MACROD2: variants seen among roughly 807,000 people sequenced by gnomAD.
The protein encoded by MACROD2 is ADP-ribose glycohydrolase MACROD2.
Under a neutral mutation model 70.4 loss-of-function variants are expected in MACROD2, and 36 were observed. That is an observed-to-expected ratio of 0.51 (90% CI 0.39 to 0.68). The LOEUF (loss-of-function observed/expected upper bound fraction) is 0.68, where lower values mean the gene tolerates loss of function less well. MACROD2 is among the 30% of genes least tolerant of loss of function. The pLI is 0.00. For synonymous variants in MACROD2, 172 were observed against 178.8 expected (o/e 0.96, Z 0.30); for missense variants, 496 against 538.4 (o/e 0.92, Z 0.78).
rs201640811 is a variant in MACROD2 at position 14,784,674 on chromosome 20, G to C, written c.418+99715G>C. Among the ~76,000 whole-genome samples, 356 of 142,994 alleles carry C rather than the reference G, an allele frequency of 2.5e-3. 11 individuals are homozygous for C. Among genetic ancestry groups the C allele is most frequent in the African/African-American group, 7.8e-3 (309 of 39,554 alleles). The allele number at this position is 142,994 out of a possible 152,430, so 93.8% of individuals were successfully genotyped here. On this transcript the variant is annotated intron_variant, in intron 5 of 17. Coordinates refer to ENST00000684519, the MANE Select transcript of MACROD2 (RefSeq NM_001351661.2). ...AAAAGGATGGTGTTTTAAGTGGGGG[G>C]GGGGGGGCACCAGATTCAGTTACCT...
At chr20:15,884,616 T>C (rs1160110225) in intron 9 of MACROD2, among the ~76,000 whole-genome samples, 1 of 151,898 alleles carries the variant, frequency 6.6e-6, no homozygotes, top group Non-Finnish European at 1.5e-5. Flanking sequence ...AGAGGAGCAG[T>C]TAGGAAACTG....
intron 5 of MACROD2, among the ~76,000 whole-genome samples, chr20:15,076,447 C>T (rs972380960): frequency 6.6e-6 from 1 of 152,052 alleles, no homozygotes; most frequent in East Asian, 1.9e-4. Flanking sequence ...AATCTCAATA[C>T]ATATTGTCAA....
intron 1 of MACROD2, among the ~76,000 whole-genome samples, chr20:13,997,468 A>G (rs918039031): frequency 2.6e-5 from 4 of 152,216 alleles, no homozygotes; most frequent in African/African-American, 9.6e-5. Context: ...TTTCAGTAAC[A>G]TGAATCATTG....
chr20:14,031,358 G>T (rs866833072), intron 2 of MACROD2, among the ~76,000 whole-genome samples: 1 of 152,022 alleles, frequency 6.6e-6, no homozygotes, highest in Non-Finnish European at 1.5e-5. Context: ...TTACTTTGAC[G>T]ATGAAAAATT....
intron 4 of MACROD2, among the ~76,000 whole-genome samples, chr20:14,609,657 G>A (rs1165330067): frequency 6.6e-6 from 1 of 152,078 alleles, no homozygotes. Context: ...AAATACTTAT[G>A]TGTATGAAGA....
intron 5 of MACROD2, among the ~76,000 whole-genome samples, chr20:14,944,224 G>A (rs766060005): frequency 2.0e-5 from 3 of 152,164 alleles, no homozygotes; most frequent in Non-Finnish European, 4.4e-5. Context: ...GCAGGAAGAA[G>A]AAAGGAAGGG....
At chr20:15,696,678 G>GTTTTTTTTTTTT (rs374403186) in intron 8 of MACROD2, among the ~76,000 whole-genome samples, 1 of 88,752 alleles carries the variant, frequency 1.1e-5, no homozygotes, top group Non-Finnish European at 2.3e-5. Flanking sequence ...TAGTCCTGGA[G>GTTTTTTTTTTTT]TTTTTTTTTT....
At chr20:15,409,190 G>A (rs931685642) in intron 6 of MACROD2, among the ~76,000 whole-genome samples, 5 of 152,064 alleles carry the variant, frequency 3.3e-5, no homozygotes, top group Non-Finnish European at 7.4e-5. Flanking sequence ...ACCAAATGAT[G>A]GGTGATACAT....
intron 5 of MACROD2, among the ~76,000 whole-genome samples, chr20:14,915,350 G>A (rs1362360009): frequency 1.3e-5 from 2 of 152,180 alleles, no homozygotes; most frequent in African/African-American, 2.4e-5. Flanking sequence ...TGTCAAAATG[G>A]AAACCCCAAG....
At chr20:14,899,620 C>CA (rs1205761471) in intron 5 of MACROD2, among the ~76,000 whole-genome samples, 8 of 152,152 alleles carry the variant, frequency 5.3e-5, no homozygotes, top group African/African-American at 1.9e-4. Context: ...CTAATGACCT[C>CA]TGTTAACTTG....
intron 5 of MACROD2, among the ~76,000 whole-genome samples, chr20:15,068,176 A>AT (rs374736186): frequency 1.6e-4 from 25 of 152,108 alleles, no homozygotes; most frequent in African/African-American, 5.5e-4. Flanking sequence ...AATATCATGC[A>AT]TTTTTTCATA....
chr20:14,668,977 T>G (rs2070766186), intron 4 of MACROD2, among the ~76,000 whole-genome samples: 1 of 152,188 alleles, frequency 6.6e-6, no homozygotes. Context: ...AACTTAGTCT[T>G]TATTAAGCCC....
At chr20:13,998,756 C>T (rs1391366943) in intron 1 of MACROD2, among the ~76,000 whole-genome samples, 5 of 151,876 alleles carry the variant, frequency 3.3e-5, no homozygotes, top group Non-Finnish European at 7.4e-5. Flanking sequence ...GAGATTGAGA[C>T]CATCCTGGGG....
At chr20:15,777,005 A>G (rs1401079655) in intron 8 of MACROD2, among the ~76,000 whole-genome samples, 1 of 152,166 alleles carries the variant, frequency 6.6e-6, no homozygotes, top group Non-Finnish European at 1.5e-5. Flanking sequence ...CCTATTGTCC[A>G]TTAATTATGA....
intron 15 of MACROD2, among the ~76,000 whole-genome samples, chr20:16,033,889 CAGAG>C (rs1325805816): frequency 7.9e-5 from 12 of 151,624 alleles, no homozygotes; most frequent in African/African-American, 1.4e-4. Context: ...GGGAGAGACA[CAGAG>C]AGAGAAAAAA....
intron 6 of MACROD2, among the ~76,000 whole-genome samples, chr20:15,233,983 TTA>T (rs1312226727): frequency 0.033 from 1,458 of 43,928 alleles, 74 homozygotes; most frequent in African/African-American, 0.094. Flanking sequence ...ATATATTTAT[TTA>T]TATATATATA....
intron 8 of MACROD2, among the ~76,000 whole-genome samples, chr20:15,663,613 C>T (rs1409665470): frequency 2.0e-5 from 3 of 149,626 alleles, no homozygotes; most frequent in Non-Finnish European, 4.5e-5. Flanking sequence ...AAAAAAACCA[C>T]AACAGACAGA....
At chr20:15,362,541 C>T (rs1387391102) in intron 6 of MACROD2, among the ~76,000 whole-genome samples, 3 of 151,852 alleles carry the variant, frequency 2.0e-5, no homozygotes, top group African/African-American at 7.3e-5. Flanking sequence ...TTTCCTGCAT[C>T]GATACAATTT....
intron 3 of MACROD2, among the ~76,000 whole-genome samples, chr20:14,419,256 G>A (rs2083848361): frequency 6.6e-6 from 1 of 152,094 alleles, no homozygotes; most frequent in Admixed American, 6.6e-5. Context: ...GTTTCTCCGT[G>A]TTGGTTAGGC....
Sources: gnomAD v4.1 joint callset for allele counts (sites outside exome capture counted in the v4.1 genomes callset) on GRCh38, gnomAD v4.1.1 for gene constraint, MANE v1.5 for transcripts, NCBI Gene and HGNC (gene_info 2026-07-23, HGNC 2026-07-21) for gene names.